The following NODAL variants were observed in gnomAD, a reference collection of about 807,000 sequenced individuals.
The protein encoded by NODAL is nodal homolog.
NODAL carries 12 observed loss-of-function variants against 34.0 expected under a neutral mutation model. The observed-to-expected ratio is 0.35, with a 90% CI of 0.23 to 0.57. NODAL has a LOEUF of 0.57. Among genes scored for constraint, NODAL ranks in the 20% least tolerant of loss-of-function variants. The pLI, the probability that NODAL is intolerant of heterozygous loss-of-function variation, is 0.83. For missense variants in NODAL, 390 were observed against 444.2 expected, an observed-to-expected ratio of 0.88 and a Z score of 1.10; for synonymous variants, 162 against 186.4, an observed-to-expected ratio of 0.87 and a Z score of 1.07.
At chr10:70,433,117 T>A (rs200233027) in intron 2 of NODAL, 29 bp from the exon 3 acceptor site, 69 of 1,612,616 alleles carry the variant, frequency 4.3e-5, no homozygotes, top group Non-Finnish European at 5.2e-5. Context: ...GTGTGTCAAT[T>A]CACATCCTGA....
At chr10:70,439,410 CACTG>C (rs1845399529) in intron 1 of NODAL, among the ~76,000 whole-genome samples, 1 of 152,192 alleles carries the variant, frequency 6.6e-6, no homozygotes, top group Admixed American at 6.5e-5. Flanking sequence ...AAGGACCTGA[CACTG>C]AGCACCCACT....
chr10:70,444,492 C>T (rs1845467495), upstream of NODAL, among the ~76,000 whole-genome samples: 1 of 152,098 alleles, frequency 6.6e-6, no homozygotes, highest in African/African-American at 2.4e-5. Context: ...CAGGCACATG[C>T]CACCACGCCT....
chr10:70,445,482 T>C (rs1368282948), upstream of NODAL, among the ~76,000 whole-genome samples: 1 of 152,076 alleles, frequency 6.6e-6, no homozygotes, highest in East Asian at 1.9e-4. Flanking sequence ...ATGGTCTCGA[T>C]CTCCTGATCT....
At chr10:70,441,699 C>CCT, upstream of NODAL, 1 of 1,546,902 alleles carries the variant, frequency 6.5e-7, no homozygotes, top group Non-Finnish European at 8.7e-7. Context: ...AGCAGCACCT[C>CCT]CAGCCCTTAT....
At chr10:70,440,801 A>T (rs1399033526) in intron 1 of NODAL, among the ~76,000 whole-genome samples, 1 of 151,896 alleles carries the variant, frequency 6.6e-6, no homozygotes, top group Non-Finnish European at 1.5e-5. Context: ...CGGCTGGAGG[A>T]CCCAAGGCTG....
upstream of NODAL, among the ~76,000 whole-genome samples, chr10:70,442,188 G>A (rs1274566894): frequency 6.6e-6 from 1 of 152,206 alleles, no homozygotes; most frequent in African/African-American, 2.4e-5. Flanking sequence ...AGATGGCCTC[G>A]GGGAGCACCC....
At chr10:70,444,939 G>A (rs1845471444), upstream of NODAL, among the ~76,000 whole-genome samples, 1 of 152,012 alleles carries the variant, frequency 6.6e-6, no homozygotes, top group Non-Finnish European at 1.5e-5. Flanking sequence ...CCCTCATCCA[G>A]GTCATGCACA....
chr10:70,441,399 T>TA, intron 1 of NODAL, 76 bp downstream of exon 1: 1 of 1,496,696 alleles, frequency 6.7e-7, no homozygotes, highest in Non-Finnish European at 9.0e-7. Flanking sequence ...CCACAGCACT[T>TA]CCCGAGTCCG....
chr10:70,442,108 G>A (rs892497737), upstream of NODAL, among the ~76,000 whole-genome samples: 4 of 152,188 alleles, frequency 2.6e-5, no homozygotes, highest in Admixed American at 6.5e-5. Flanking sequence ...AGAGAATGCC[G>A]AGGGATCCTC....
chr10:70,435,866 G>T lies in NODAL; in HGVS notation c.311C>A (p.Pro104His). 2 of 1,614,114 alleles carry T rather than the reference G, an allele frequency of 1.2e-6. No homozygotes were observed. Among genetic ancestry groups the T allele is most frequent in the South Asian group, 1.1e-5 (1 of 91,086 alleles). Residue 104 changes from proline to histidine, a missense_variant, in exon 2 of 3, where the codon CCC becomes CAC. Transcript: ENST00000287139. ...CTCAATGGCAAGTGAGCCCTCAGTGGGGAGGTCCACAGGGCTGGACAGCTG... is the reference window on the plus strand; with the variant it reads ...CTCAATGGCAAGTGAGCCCTCAGTGTGGAGGTCCACAGGGCTGGACAGCTG... Reference protein sequence around the residue: ...RLQLSSPVDLPTEGSLAIEIF... With the variant: ...RLQLSSPVDLHTEGSLAIEIF...
At chr10:70,436,042 T>A in intron 1 of NODAL, 59 bp from the exon 2 acceptor site, 1 of 1,427,990 alleles carries the variant, frequency 7.0e-7, no homozygotes. Context: ...CCAGCCTCAG[T>A]CAGTGTCACA....
upstream of NODAL, among the ~76,000 whole-genome samples, chr10:70,446,180 C>T (rs148613725): frequency 1.3e-5 from 2 of 152,296 alleles, no homozygotes; most frequent in South Asian, 2.1e-4. Flanking sequence ...ACAGACTGAC[C>T]GTCAGATTCC....
Position 70,435,267 on chromosome 10 carries a change from C to T in NODAL, c.891+19G>A, listed in dbSNP as rs375311498. ...GGCCAGCTTACTGCCTCCCCTCCCC[C>T]TCACGCCTGGCATCCCACCTGGATG... is the stretch of plus-strand genomic sequence containing the variant. On this transcript the variant is annotated intron_variant, in intron 2 of 2. Coordinates refer to ENST00000287139, the MANE Select transcript of NODAL (RefSeq NM_018055.5). The T allele has an allele frequency of 1.1e-5, 17 of 1,591,284 alleles. No individual in the cohort carries two copies. The Admixed American group carries it at 1.8e-4, about 17-fold the overall frequency.
chr10:70,434,991 A>C, intron 2 of NODAL: 1 of 398,156 alleles, frequency 2.5e-6, no homozygotes, highest in Non-Finnish European at 4.7e-6. Context: ...GGGCTAGGGA[A>C]GTGCTGAGAC....
chr10:70,435,068 T>A, intron 2 of NODAL: 1 of 578,718 alleles, frequency 1.7e-6, no homozygotes, highest in African/African-American at 1.9e-5. Flanking sequence ...AAACAATGTG[T>A]TCAAGGCTAC....
At chr10:70,434,127 C>T (rs769246821) in intron 2 of NODAL, among the ~76,000 whole-genome samples, 9 of 152,178 alleles carry the variant, frequency 5.9e-5, no homozygotes, top group Non-Finnish European at 1.2e-4. Flanking sequence ...GGATATATTG[C>T]AAGTCCAAGA....
intron 1 of NODAL, among the ~76,000 whole-genome samples, chr10:70,439,218 C>T (rs903214748): frequency 1.3e-5 from 2 of 152,110 alleles, no homozygotes; most frequent in African/African-American, 2.4e-5. Flanking sequence ...TTGGGCAGGA[C>T]GGTCTTGATC....
At chr10:70,441,429 G>T in intron 1 of NODAL, 46 bp downstream of exon 1, 1 of 1,537,126 alleles carries the variant, frequency 6.5e-7, no homozygotes, top group Non-Finnish European at 8.7e-7. Context: ...CGCGGCGGAG[G>T]CGCCCCGGGG....
At chr10:70,436,453 A>G (rs1845354804) in intron 1 of NODAL, 1 of 232,548 alleles carries the variant, frequency 4.3e-6, no homozygotes, top group Non-Finnish European at 8.6e-6. Context: ...TGCGCCTGTA[A>G]TCCCAGCCAC....
Sources: allele counts gnomAD v4.1 joint callset (sites outside exome capture counted in the v4.1 genomes callset), GRCh38; gene constraint gnomAD v4.1.1; transcripts MANE v1.5; gene names NCBI Gene and HGNC (gene_info 2026-07-23, HGNC 2026-07-21).